Variants in KIF26B observed in about 807,000 individuals in gnomAD.
The protein encoded by KIF26B is kinesin family member 26B.
In KIF26B, 63 loss-of-function variants were observed where a neutral mutation model predicts 151.2. The ratio of observed to expected loss-of-function variants is 0.42; its 90% CI spans 0.34 to 0.51. The LOEUF (loss-of-function observed/expected upper bound fraction) is 0.51. Ranked by LOEUF, KIF26B falls within the 20% of genes least tolerant of loss-of-function variation. The probability of loss-of-function intolerance (pLI) is 0.07; values close to 1 mark genes in which losing one functional copy is unlikely to be tolerated. For missense variants in KIF26B, 2,813 were observed against 2,913.6 expected, an observed-to-expected ratio of 0.97 and a Z score of 0.79; for synonymous variants, 1,357 against 1,262.1, an observed-to-expected ratio of 1.08 and a Z score of -1.59.
intron 2 of KIF26B, among the ~76,000 whole-genome samples, chr1:245,165,546 T>G (rs1458119535): frequency 6.6e-6 from 1 of 152,000 alleles, no homozygotes; most frequent in Non-Finnish European, 1.5e-5. Context: ...GTAGAGAAGG[T>G]GATGGAATCC....
intron 10 of KIF26B, chr1:245,676,501 T>A (rs765368775): frequency 6.6e-6 from 1 of 152,266 alleles, no homozygotes; most frequent in Non-Finnish European, 1.5e-5. Context: ...TGGAGTTACA[T>A]CATATATTTC....
chr1:245,240,459 CA>C lies in KIF26B; in HGVS notation c.465+83777del, dbSNP rs1049994748. On this transcript the variant is annotated intron_variant, in intron 2 of 14. Coordinates refer to ENST00000407071, the MANE Select transcript of KIF26B (RefSeq NM_018012.4). Reference sequence around the variant, plus strand: ...TAAGTCCTGGAATTTTAAAGTCCTGCATTTTCGGTTCGTTTAGAGGAAGCTG... The same window carrying C: ...TAAGTCCTGGAATTTTAAAGTCCTGCTTTTCGGTTCGTTTAGAGGAAGCTG... Among the ~76,000 whole-genome samples, 18 of 152,244 alleles carry C rather than the reference CA, an allele frequency of 1.2e-4. 1 individual carries two copies. Among genetic ancestry groups the C allele is most frequent in the African/African-American group, 4.1e-4 (17 of 41,538 alleles).
At chr1:245,526,073 C>T (rs1373349174) in intron 4 of KIF26B, among the ~76,000 whole-genome samples, 1 of 152,194 alleles carries the variant, frequency 6.6e-6, no homozygotes, top group Non-Finnish European at 1.5e-5. Context: ...TGCAGCTCAA[C>T]AGGGCCTGGT....
chr1:245,171,129 T>A (rs1235040096), intron 2 of KIF26B, among the ~76,000 whole-genome samples: 1 of 152,224 alleles, frequency 6.6e-6, no homozygotes, highest in Non-Finnish European at 1.5e-5. Context: ...TCCACGGACA[T>A]TGACAGGGTC....
chr1:245,248,632 C>T (rs905822522), intron 2 of KIF26B, among the ~76,000 whole-genome samples: 6 of 152,180 alleles, frequency 3.9e-5, no homozygotes, highest in Non-Finnish European at 8.8e-5. Flanking sequence ...CAGCAGGCTC[C>T]GATAACACTT....
intron 2 of KIF26B, among the ~76,000 whole-genome samples, chr1:245,186,355 G>C (rs1391548251): frequency 6.6e-6 from 1 of 152,170 alleles, no homozygotes; most frequent in Non-Finnish European, 1.5e-5. Context: ...CCGTAACCTT[G>C]GGTTAAATGT....
At chr1:245,457,459 A>C (rs1354739713) in intron 4 of KIF26B, among the ~76,000 whole-genome samples, 1 of 152,252 alleles carries the variant, frequency 6.6e-6, no homozygotes, top group East Asian at 1.9e-4. Context: ...TGCATGCAAA[A>C]TATAAATAGA....
At chr1:245,692,448 G>T (rs1190841146) in intron 12 of KIF26B, among the ~76,000 whole-genome samples, 1 of 152,134 alleles carries the variant, frequency 6.6e-6, no homozygotes, top group Non-Finnish European at 1.5e-5. Flanking sequence ...GTCCGGGAGG[G>T]TGCTTACATC....
intron 5 of KIF26B, among the ~76,000 whole-genome samples, chr1:245,594,226 A>T (rs6688046): frequency 0.15 from 23,487 of 152,050 alleles, 2,398 homozygotes; most frequent in African/African-American, 0.29. Flanking sequence ...GGTGTTTTAG[A>T]CATGAAGTCT....
chr1:245,308,198 T>TA (rs1185522451), intron 2 of KIF26B, among the ~76,000 whole-genome samples: 1 of 152,138 alleles, frequency 6.6e-6, no homozygotes, highest in Non-Finnish European at 1.5e-5. Context: ...TACAGAGAAA[T>TA]ACTTGTCATC....
chr1:245,253,112 C>A (rs1245333503), intron 2 of KIF26B, among the ~76,000 whole-genome samples: 1 of 150,760 alleles, frequency 6.6e-6, no homozygotes, highest in Non-Finnish European at 1.5e-5. Context: ...CAGGTTCAAG[C>A]AGTTCTCCTG....
intron 2 of KIF26B, among the ~76,000 whole-genome samples, chr1:245,364,516 G>C (rs1672898059): frequency 6.9e-6 from 1 of 143,908 alleles, no homozygotes; most frequent in African/African-American, 2.6e-5. Flanking sequence ...TGCCTCCCGT[G>C]TTCAAGTCAT....
chr1:245,556,067 G>A (rs982779704), intron 5 of KIF26B, among the ~76,000 whole-genome samples: 11 of 152,190 alleles, frequency 7.2e-5, no homozygotes, highest in African/African-American at 1.2e-4. Context: ...ATAGCGCTCC[G>A]GCTTGCTGGG....
intron 4 of KIF26B, among the ~76,000 whole-genome samples, chr1:245,465,050 C>G (rs1380340578): frequency 8.3e-5 from 12 of 145,064 alleles, no homozygotes; most frequent in African/African-American, 2.8e-4. Flanking sequence ...GCGATCTCGG[C>G]TCACTGCAAG....
intron 2 of KIF26B, among the ~76,000 whole-genome samples, chr1:245,357,507 GT>G (rs1366267600): frequency 6.6e-6 from 1 of 152,116 alleles, no homozygotes; most frequent in Admixed American, 6.6e-5. Context: ...CAAGACTTTG[GT>G]TTTTTTAGTG....
At chr1:245,439,750 A>G (rs1659022968) in intron 4 of KIF26B, among the ~76,000 whole-genome samples, 2 of 152,220 alleles carry the variant, frequency 1.3e-5, no homozygotes, top group South Asian at 4.1e-4. Flanking sequence ...GAAACTGTTT[A>G]TAATTGAGGA....
intron 4 of KIF26B, among the ~76,000 whole-genome samples, chr1:245,446,630 G>A (rs1050820142): frequency 2.0e-5 from 3 of 152,140 alleles, no homozygotes; most frequent in Non-Finnish European, 4.4e-5. Context: ...TAATTAAAAG[G>A]AACCTAGAGT....
intron 4 of KIF26B, among the ~76,000 whole-genome samples, chr1:245,479,117 A>G (rs1015117839): frequency 1.3e-4 from 20 of 151,780 alleles, no homozygotes; most frequent in African/African-American, 4.3e-4. Flanking sequence ...TCTGGAATTC[A>G]GGAAGCAGCC....
intron 3 of KIF26B, among the ~76,000 whole-genome samples, chr1:245,407,350 G>A (rs1292114780): frequency 2.6e-5 from 4 of 152,110 alleles, no homozygotes; most frequent in Admixed American, 6.5e-5. Flanking sequence ...TGTGGCTGTC[G>A]CATCTCACAC....
Sources: allele counts gnomAD v4.1 joint callset (sites outside exome capture counted in the v4.1 genomes callset), GRCh38; gene constraint gnomAD v4.1.1; transcripts MANE v1.5; gene names NCBI Gene and HGNC (gene_info 2026-07-23, HGNC 2026-07-21).